GRIN2B: variants seen among roughly 807,000 people sequenced by gnomAD.
The protein encoded by GRIN2B is glutamate receptor ionotropic, NMDA 2B.
Under a neutral mutation model 114.5 loss-of-function variants are expected in GRIN2B, and 5 were observed. That is an observed-to-expected ratio of 0.04 (90% CI 0.02 to 0.09). GRIN2B has a LOEUF of 0.09. Among genes scored for constraint, GRIN2B ranks in the 10% least tolerant of loss-of-function variants. The pLI, the probability that GRIN2B is intolerant of heterozygous loss-of-function variation, is 1.00. For missense variants in GRIN2B, 1,108 were observed against 1,943.5 expected (o/e 0.57, Z 8.08); for synonymous variants, 787 against 745.1 (o/e 1.06, Z -0.92).
intron 3 of GRIN2B, among the ~76,000 whole-genome samples, chr12:13,778,399 G>C (rs1186298869): frequency 6.6e-6 from 1 of 152,188 alleles, no homozygotes; most frequent in East Asian, 1.9e-4. Flanking sequence ...AATTAGAGAA[G>C]TTACAAGTTA....
At chr12:13,943,912 C>T (rs897048988) in intron 2 of GRIN2B, among the ~76,000 whole-genome samples, 1 of 152,062 alleles carries the variant, frequency 6.6e-6, no homozygotes, top group African/African-American at 2.4e-5. Flanking sequence ...GACCTGGTCT[C>T]GCCTGCTCAC....
intron 5 of GRIN2B, among the ~76,000 whole-genome samples, chr12:13,624,229 CT>C (rs569335705): frequency 2.6e-5 from 4 of 152,124 alleles, no homozygotes; most frequent in South Asian, 2.1e-4. Context: ...ATTAGATTGC[CT>C]TTTTTTTGTC....
intron 11 of GRIN2B, among the ~76,000 whole-genome samples, chr12:13,570,233 T>C (rs1372087379): frequency 2.0e-5 from 3 of 152,194 alleles, no homozygotes; most frequent in African/African-American, 7.2e-5. Context: ...TTCTTCCCAC[T>C]GGGAATGATG....
Position 13,753,403 on chromosome 12 carries a change from C to A in GRIN2B, c.924G>T (p.Leu308=), listed in dbSNP as rs199518756. The change falls in exon 4 of 14, where the codon CTG becomes CTT. Residue 308 remains leucine (L), a synonymous_variant. Transcript: ENST00000609686. This position sits in a 1 kb window ranked among gnomAD's most constrained non-coding sequence, Gnocchi z 6.2. The stretch of plus-strand genomic sequence containing the variant: ...GCTCAGGGATGAAGCTGTGCTCAGA[C>A]AGCATGTCAGAAGCAGCAGTGGTGA... ...AIITTAASDM[L]SEHSFIPEPK... is the part of the protein sequence containing the mutation. 51 of 1,614,078 alleles carry A rather than the reference C, an allele frequency of 3.2e-5. No individual in the cohort carries two copies. Among genetic ancestry groups the A allele is most frequent in the Non-Finnish European group, 4.2e-5 (50 of 1,179,908 alleles).
intron 2 of GRIN2B, among the ~76,000 whole-genome samples, chr12:13,884,956 G>A (rs1189605369): frequency 6.6e-6 from 1 of 152,086 alleles, no homozygotes; most frequent in East Asian, 1.9e-4. Flanking sequence ...CACATGTAGT[G>A]GTTATTTTGG....
At chr12:13,933,157 G>A (rs1035242875) in intron 2 of GRIN2B, among the ~76,000 whole-genome samples, 1 of 152,160 alleles carries the variant, frequency 6.6e-6, no homozygotes, top group South Asian at 2.1e-4. Context: ...TCTCCAGCCT[G>A]TTAGTCATCA....
chr12:13,768,924 C>T (rs1325591415), intron 3 of GRIN2B, among the ~76,000 whole-genome samples: 2 of 152,084 alleles, frequency 1.3e-5, no homozygotes, highest in Non-Finnish European at 2.9e-5. Context: ...GCCCCAGCTA[C>T]TCAGGAGACT....
At chr12:13,783,644 G>C (rs560614200) in intron 3 of GRIN2B, among the ~76,000 whole-genome samples, 2 of 152,158 alleles carry the variant, frequency 1.3e-5, no homozygotes, top group African/African-American at 4.8e-5. Flanking sequence ...TGAATACCCA[G>C]AGAAATTGAT....
intron 3 of GRIN2B, among the ~76,000 whole-genome samples, chr12:13,788,902 A>T (rs1864264838): frequency 6.6e-6 from 1 of 152,180 alleles, no homozygotes; most frequent in African/African-American, 2.4e-5. Context: ...GCACTGGCTG[A>T]CTGCAAGCAA....
At chr12:13,640,925 G>T (rs1312583641) in intron 5 of GRIN2B, among the ~76,000 whole-genome samples, 1 of 152,028 alleles carries the variant, frequency 6.6e-6, no homozygotes, top group African/African-American at 2.4e-5. Flanking sequence ...TGTTACACCA[G>T]GTTACTTATT....
chr12:13,977,583 T>C (rs74067048), intron 2 of GRIN2B, among the ~76,000 whole-genome samples: 3,712 of 152,278 alleles, frequency 0.024, 144 homozygotes, highest in African/African-American at 0.086. Context: ...AGCCGCCACC[T>C]TTCTTTCCCA....
intron 8 of GRIN2B, among the ~76,000 whole-genome samples, chr12:13,612,336 T>C (rs1004759878): frequency 1.1e-4 from 16 of 152,242 alleles, no homozygotes; most frequent in Non-Finnish European, 1.8e-4. Flanking sequence ...GGAATAATTA[T>C]GTACAATAAA....
chr12:13,694,435 T>A (rs1187567618), intron 4 of GRIN2B, among the ~76,000 whole-genome samples: 1 of 151,872 alleles, frequency 6.6e-6, no homozygotes, highest in Non-Finnish European at 1.5e-5. Flanking sequence ...AAGTCATCAT[T>A]CTTCTCAAGC....
chr12:13,891,603 G>C (rs755372919), intron 2 of GRIN2B, among the ~76,000 whole-genome samples: 3 of 140,412 alleles, frequency 2.1e-5, no homozygotes, highest in Non-Finnish European at 3.1e-5. Context: ...TACAAATGTG[G>C]CCACACAACC....
chr12:13,574,641 A>T (rs1471174713), intron 10 of GRIN2B, among the ~76,000 whole-genome samples: 5 of 152,268 alleles, frequency 3.3e-5, no homozygotes, highest in Non-Finnish European at 7.3e-5. Context: ...ATGAAGCTAC[A>T]TTATAGGTAG....
rs60345984 is a variant in GRIN2B, at chr12:13,829,977, G to A, written c.411+35821C>T. 8.5e-3 allele frequency among the ~76,000 whole-genome samples: 1,288 copies of A among 152,246 alleles called. 19 individuals carry two copies. Among genetic ancestry groups the A allele is most frequent in the African/African-American group, 0.03 (1,259 of 41,546 alleles). ...TAAGGCAGTAGGGGTAGGAGGGGCTGGGAGGATGGAACAAGAGTCTGTGTG... is the reference window on the plus strand; with the variant it reads ...TAAGGCAGTAGGGGTAGGAGGGGCTAGGAGGATGGAACAAGAGTCTGTGTG... On this transcript the variant is annotated intron_variant, in intron 3 of 13. Transcript: ENST00000609686.
chr12:13,796,753 G>A (rs928770922), intron 3 of GRIN2B, among the ~76,000 whole-genome samples: 1 of 152,098 alleles, frequency 6.6e-6, no homozygotes, highest in African/African-American at 2.4e-5. Context: ...TGAACTGAAA[G>A]ACCTGAAAGT....
rs143822059 is a variant in GRIN2B, at chr12:13,616,212, A to G, written c.1328+243T>C. Reference sequence around the variant, plus strand: ...CCATAAACTTGAGGTCCTAATCATTAAGGCCAAGCAAGACCGAAGAAACTT... The same window carrying G: ...CCATAAACTTGAGGTCCTAATCATTGAGGCCAAGCAAGACCGAAGAAACTT... On this transcript the variant is annotated intron_variant, in intron 6 of 13. Transcript: ENST00000609686. Among the ~76,000 whole-genome samples, 212 of 152,336 alleles carry G rather than the reference A, an allele frequency of 1.4e-3. 1 individual carries two copies. Among genetic ancestry groups the G allele is most frequent in the African/African-American group, 4.7e-3 (196 of 41,570 alleles).
chr12:13,716,790 C>T (rs1424569453), intron 4 of GRIN2B, among the ~76,000 whole-genome samples: 1 of 151,880 alleles, frequency 6.6e-6, no homozygotes, highest in East Asian at 1.9e-4. Flanking sequence ...CCATTCCTGT[C>T]GTGTCCACAT....
Sources: gnomAD v4.1 joint callset for allele counts (sites outside exome capture counted in the v4.1 genomes callset) on GRCh38, gnomAD v4.1.1 for gene constraint, Gnocchi (gnomAD v3.1) non-coding constraint, MANE v1.5 for transcripts, NCBI Gene and HGNC (gene_info 2026-07-23, HGNC 2026-07-21) for gene names.